ADORA2B: variants seen among roughly 807,000 people sequenced by gnomAD.
ADORA2B encodes the protein adenosine receptor A2b.
Under a neutral mutation model 20.8 loss-of-function variants are expected in ADORA2B, and 18 were observed. The ratio of observed to expected loss-of-function variants is 0.87; its 90% CI spans 0.60 to 1.29. ADORA2B has a LOEUF of 1.29. Among genes scored for constraint, ADORA2B ranks in the 50% most tolerant of loss-of-function variants. The pLI, the probability that ADORA2B is intolerant of heterozygous loss-of-function variation, is 0.00. For synonymous variants in ADORA2B, 179 were observed against 178.3 expected, an observed-to-expected ratio of 1.00 and a Z score of -0.03; for missense variants, 441 against 422.7, an observed-to-expected ratio of 1.04 and a Z score of -0.38.
chr17:15,912,799 T>C, the ADORA2B span, among the ~76,000 whole-genome samples: 1 of 152,226 alleles, frequency 6.6e-6, no homozygotes, highest in South Asian at 2.1e-4. Context: ...TATTTGCCAC[T>C]GTTTGGGCCC....
the ADORA2B span, among the ~76,000 whole-genome samples, chr17:15,901,652 G>A: frequency 1.3e-5 from 2 of 152,118 alleles, no homozygotes; most frequent in Non-Finnish European, 2.9e-5. Flanking sequence ...CAGCTCCTAG[G>A]CAAGAGGCAA....
the ADORA2B span, among the ~76,000 whole-genome samples, chr17:15,860,391 T>C: frequency 6.6e-6 from 1 of 152,152 alleles, no homozygotes; most frequent in African/African-American, 2.4e-5. Context: ...AAAAAGTTCT[T>C]CTTGGTTCCC....
intron 1 of ADORA2B, among the ~76,000 whole-genome samples, chr17:15,964,890 T>C (rs947560989): frequency 1.3e-5 from 2 of 151,850 alleles, no homozygotes; most frequent in African/African-American, 2.4e-5. Flanking sequence ...TGAAACCCCG[T>C]CTCTACTAAA....
the ADORA2B span, among the ~76,000 whole-genome samples, chr17:15,896,718 T>A: frequency 6.6e-6 from 1 of 152,214 alleles, no homozygotes; most frequent in Non-Finnish European, 1.5e-5. Flanking sequence ...TTTGTCCCCA[T>A]ACTTGTTCCT....
At chr17:15,870,791 A>G in the ADORA2B span, among the ~76,000 whole-genome samples, 43 of 152,240 alleles carry the variant, frequency 2.8e-4, no homozygotes, top group Non-Finnish European at 5.1e-4. Context: ...TGAGGGCTAC[A>G]TGCACAATTC....
At chr17:15,927,045 G>A in the ADORA2B span, among the ~76,000 whole-genome samples, 2 of 152,088 alleles carry the variant, frequency 1.3e-5, no homozygotes, top group African/African-American at 2.4e-5. Context: ...AGAGGCACAA[G>A]AGTTAAAAAT....
At chr17:15,922,955 G>T in the ADORA2B span, among the ~76,000 whole-genome samples, 1 of 152,260 alleles carries the variant, frequency 6.6e-6, no homozygotes, top group South Asian at 2.1e-4. Flanking sequence ...TTAAAATTCT[G>T]TTTGTGTTCC....
the ADORA2B span, among the ~76,000 whole-genome samples, chr17:15,858,264 T>C: frequency 6.6e-6 from 1 of 152,078 alleles, no homozygotes; most frequent in African/African-American, 2.4e-5. Flanking sequence ...CCAGCACTTG[T>C]TTTTTTCTGG....
At chr17:15,904,044 T>A in the ADORA2B span, among the ~76,000 whole-genome samples, 1 of 152,112 alleles carries the variant, frequency 6.6e-6, no homozygotes, top group Non-Finnish European at 1.5e-5. Context: ...ATTTATCTTA[T>A]ATATAATTTT....
intron 1 of ADORA2B, among the ~76,000 whole-genome samples, chr17:15,964,145 C>T (rs1434452948): frequency 6.6e-6 from 1 of 152,196 alleles, no homozygotes; most frequent in African/African-American, 2.4e-5. Context: ...GCCCTCAGGA[C>T]GCAGATGGCA....
At chr17:15,914,961 G>A in the ADORA2B span, among the ~76,000 whole-genome samples, 2 of 152,222 alleles carry the variant, frequency 1.3e-5, no homozygotes, top group Admixed American at 6.5e-5. Flanking sequence ...ACTGCTCACT[G>A]TCATTGTATT....
the ADORA2B span, among the ~76,000 whole-genome samples, chr17:15,903,807 TA>T: frequency 6.6e-6 from 1 of 152,274 alleles, no homozygotes; most frequent in South Asian, 2.1e-4. Context: ...CAGCATTTGG[TA>T]TTATCATTTT....
At chr17:15,932,753 C>T in the ADORA2B span, among the ~76,000 whole-genome samples, 2 of 152,074 alleles carry the variant, frequency 1.3e-5, no homozygotes, top group Admixed American at 1.3e-4. Flanking sequence ...TATCAATTGA[C>T]CATAAATGTA....
chr17:15,964,617 A>G (rs1337151097), intron 1 of ADORA2B, among the ~76,000 whole-genome samples: 1 of 126,470 alleles, frequency 7.9e-6, no homozygotes, highest in South Asian at 2.2e-4. Flanking sequence ...CTCTGTCTCA[A>G]AAAAAAAAAA....
At chr17:15,880,780 GCCTAGCAGCGCCAGGGTTC>G in the ADORA2B span, among the ~76,000 whole-genome samples, 1 of 152,260 alleles carries the variant, frequency 6.6e-6, no homozygotes, top group Non-Finnish European at 1.5e-5. Flanking sequence ...GCAACACTGA[GCCTAGCAGCGCCAGGGTTC>G]CCCTGGACAG....
chr17:15,879,897 G>T, the ADORA2B span, among the ~76,000 whole-genome samples: 7 of 144,688 alleles, frequency 4.8e-5, 1 homozygote, highest in African/African-American at 2.0e-4. Context: ...ACGAAAACTT[G>T]AAACTTTAAA....
chr17:15,879,469 A>T, the ADORA2B span, among the ~76,000 whole-genome samples: 1 of 152,004 alleles, frequency 6.6e-6, no homozygotes, highest in African/African-American at 2.4e-5. Context: ...ATAAAAAAAA[A>T]AAGTAATATT....
intron 1 of ADORA2B, among the ~76,000 whole-genome samples, chr17:15,972,056 GT>G (rs1162630948): frequency 1.3e-5 from 2 of 152,192 alleles, no homozygotes; most frequent in African/African-American, 4.8e-5. Flanking sequence ...GATACCACAG[GT>G]ATCAGATAAG....
intron 1 of ADORA2B, among the ~76,000 whole-genome samples, chr17:15,946,651 T>C (rs1321840514): frequency 6.6e-6 from 1 of 152,176 alleles, no homozygotes; most frequent in Non-Finnish European, 1.5e-5. Context: ...CCAGCAGTCC[T>C]TGCAGTAGTA....
Sources: allele counts gnomAD v4.1 joint callset (sites outside exome capture counted in the v4.1 genomes callset), GRCh38; gene constraint gnomAD v4.1.1; transcripts MANE v1.5; gene names NCBI Gene and HGNC (gene_info 2026-07-23, HGNC 2026-07-21).